RPN2: variants seen among roughly 807,000 people sequenced by gnomAD.
RPN2 encodes the protein dolichyl-diphosphooligosaccharide--protein glycosyltransferase subunit 2.
In RPN2, 29 loss-of-function variants were observed where a neutral mutation model predicts 71.4. That is an observed-to-expected ratio of 0.41 (90% CI 0.30 to 0.55). The LOEUF (loss-of-function observed/expected upper bound fraction) is 0.55, where lower values mean the gene tolerates loss of function less well. Among genes scored for constraint, RPN2 ranks in the 20% least tolerant of loss-of-function variants. The probability of loss-of-function intolerance (pLI) is 0.35; values close to 1 mark genes in which losing one functional copy is unlikely to be tolerated. For synonymous variants in RPN2, 308 were observed against 305.0 expected, an observed-to-expected ratio of 1.01 and a Z score of -0.10; for missense variants, 726 against 774.1, an observed-to-expected ratio of 0.94 and a Z score of 0.74.
At chr20:37,191,602 C>T (rs1005804411) in intron 2 of RPN2, among the ~76,000 whole-genome samples, 4 of 149,576 alleles carry the variant, frequency 2.7e-5, no homozygotes, top group Non-Finnish European at 5.9e-5. Flanking sequence ...CCCGTCTCTA[C>T]TAAAAATACA....
At chr20:37,213,113 A>T (rs928881341) in intron 8 of RPN2, among the ~76,000 whole-genome samples, 3 of 152,046 alleles carry the variant, frequency 2.0e-5, no homozygotes, top group Non-Finnish European at 2.9e-5. Flanking sequence ...TCGTACACCA[A>T]CCTCTTTGTA....
At chr20:37,197,247 C>G (rs907351505) in intron 2 of RPN2, among the ~76,000 whole-genome samples, 2 of 152,148 alleles carry the variant, frequency 1.3e-5, no homozygotes, top group Non-Finnish European at 2.9e-5. Context: ...CTGAGAAAAA[C>G]AGGGAACCAC....
intron 8 of RPN2, among the ~76,000 whole-genome samples, chr20:37,210,606 C>A (rs1327129333): frequency 6.6e-6 from 1 of 151,098 alleles, no homozygotes; most frequent in East Asian, 1.9e-4. Flanking sequence ...TCTCAGCTCA[C>A]CGCAACGTCT....
At chr20:37,221,681 G>A (rs2067962329) in intron 9 of RPN2, among the ~76,000 whole-genome samples, 1 of 152,218 alleles carries the variant, frequency 6.6e-6, no homozygotes, top group Admixed American at 6.5e-5. Flanking sequence ...AGTTAATCTT[G>A]ATGAAGATTG....
chr20:37,238,798 C>A (rs756168594), intron 16 of RPN2: 2 of 561,710 alleles, frequency 3.6e-6, no homozygotes, highest in Non-Finnish European at 6.9e-6. Flanking sequence ...GAGGATAAGA[C>A]AAATCCAAAA....
chr20:37,225,664 A>G (rs745469619), intron 10 of RPN2, 24 bp from the exon 11 acceptor site: 1 of 1,490,266 alleles, frequency 6.7e-7, no homozygotes, highest in African/African-American at 1.4e-5. Context: ...CTCTCTGAAG[A>G]CTAACTCTAT....
chr20:37,208,353 T>C (rs561787099), intron 7 of RPN2, among the ~76,000 whole-genome samples: 1 of 152,222 alleles, frequency 6.6e-6, no homozygotes, highest in Admixed American at 6.5e-5. Context: ...TATAGAGAAG[T>C]CTTGCATCTA....
chr20:37,228,766 G>T, intron 12 of RPN2, 22 bp downstream of exon 12: 1 of 1,611,864 alleles, frequency 6.2e-7, no homozygotes, highest in South Asian at 1.1e-5. Flanking sequence ...AATGTACCCC[G>T]ACCCAGGTGA....
At chr20:37,198,540 C>T (rs766916066) in intron 3 of RPN2, 48 bp downstream of exon 3, 7 of 1,613,170 alleles carry the variant, frequency 4.3e-6, no homozygotes, top group Admixed American at 3.3e-5. Flanking sequence ...ATTTAAAGTA[C>T]ATTTTTAAAG....
chr20:37,236,495 C>T, intron 15 of RPN2, 85 bp from the exon 16 acceptor site: 1 of 1,431,106 alleles, frequency 7.0e-7, no homozygotes, highest in Non-Finnish European at 9.8e-7. Context: ...TTTCATGATC[C>T]AACAGTTGCT....
At chr20:37,225,629 G>A (rs2068056942) in intron 10 of RPN2, 59 bp from the exon 11 acceptor site, 3 of 1,099,260 alleles carry the variant, frequency 2.7e-6, no homozygotes, top group Admixed American at 3.4e-5. Flanking sequence ...TATATTTTCT[G>A]CCTGTTCTCA....
At position 37,218,557 on chromosome 20, in the gene RPN2, C is replaced by CA. The variant is rs1185607240; in HGVS notation, c.1092+4700dup. Among the ~76,000 whole-genome samples the CA allele has an allele frequency of 5.8e-3, 808 of 138,720 alleles. 6 individuals carry two copies. Among genetic ancestry groups the CA allele is most frequent in the African/African-American group, 0.02 (749 of 37,356 alleles). 91.0% of individuals were successfully genotyped at this position (138,720 alleles called of 152,430 possible). A position where few individuals can be genotyped will look rare whatever the true frequency, so the allele number is the denominator to read the frequency against. ...ACCCCGTCTCTGCTAAAAAAAAAAA[C>CA]AAAAAAAACAAAACTATGCAATCCA... is the stretch of plus-strand genomic sequence containing the variant. On this transcript the variant is annotated intron_variant, in intron 9 of 16. Transcript: ENST00000237530.
At chr20:37,209,902 G>A (rs2067615950) in intron 7 of RPN2, 145 bp from the exon 8 acceptor site, 1 of 1,397,310 alleles carries the variant, frequency 7.2e-7, no homozygotes, top group East Asian at 2.6e-5. Flanking sequence ...GGATTAGGCA[G>A]CAGGCCCAAG....
Position 37,230,033 on chromosome 20 carries a change from C to G in RPN2, c.1555C>G (p.Leu519Val), listed in dbSNP as rs1448386796. The G allele has an allele frequency of 3.1e-6, 5 of 1,614,146 alleles. No homozygotes were observed. The highest frequency in any genetic ancestry group is 3.4e-6 in the Non-Finnish European group (4 of 1,179,988). Residue 519 changes from leucine to valine, a missense_variant, in exon 13 of 17, where the codon CTT becomes GTT. Physicochemically the swap from Leu to Val is conservative, Grantham distance 32. Coordinates refer to ENST00000237530, the MANE Select transcript of RPN2 (RefSeq NM_002951.5). ...EAPSTVLSQN[L>V]FTPKQEIQHL... ...TCCCTCGACTGTCTTGTCCCAGAAC[C>G]TTTTCACTCCAAAACAGGAAATTCA...
intron 2 of RPN2, among the ~76,000 whole-genome samples, chr20:37,190,509 G>C (rs1359231976): frequency 6.6e-6 from 1 of 152,176 alleles, no homozygotes; most frequent in Non-Finnish European, 1.5e-5. Flanking sequence ...ATAATACTCA[G>C]CTCACAGATA....
rs370415144 is a variant in RPN2, at chr20:37,236,715, G to A, written c.1883+6G>A. ...GCCCAGCAGGCAGTCAAGAGGTAAG[G>A]CCAGACATGAGCCAGGGATCTAGAG... On this transcript the variant is annotated splice_donor_region_variant and intron_variant, in intron 16 of 16. Coordinates refer to ENST00000237530, the MANE Select transcript of RPN2 (RefSeq NM_002951.5). The A allele has an allele frequency of 2.5e-6, 4 of 1,613,798 alleles. No homozygotes were observed. Among genetic ancestry groups the A allele is most frequent in the Non-Finnish European group, 3.4e-6 (4 of 1,179,872 alleles).
rs774078805 is a variant in RPN2, at chr20:37,203,942, C to T, written c.537C>T (p.Ser179=). ...TGTCCCAGCAGGCTGACCTGAGGAG[C>T]ATCGTGGAGGAGATTGAGGTGTGAA... ...SHLSQQADLR[S]IVEEIEDLVA... Residue 179 remains serine (S), a synonymous_variant, in exon 5 of 17, where the codon AGC becomes AGT. Coordinates refer to ENST00000237530, the MANE Select transcript of RPN2 (RefSeq NM_002951.5). The T allele has an allele frequency of 1.9e-6, 3 of 1,613,648 alleles. No homozygotes were observed. Among genetic ancestry groups the T allele is most frequent in the East Asian group, 4.5e-5 (2 of 44,884 alleles).
chr20:37,214,357 C>G (rs1048559935), intron 9 of RPN2, among the ~76,000 whole-genome samples: 3 of 152,202 alleles, frequency 2.0e-5, no homozygotes, highest in African/African-American at 7.2e-5. Context: ...GTTTAGCTAA[C>G]TCTAGCTGGG....
chr20:37,184,281 G>T lies in RPN2; in HGVS notation c.115G>T (p.Ala39Ser), dbSNP rs1209960246. 2 of 1,614,196 alleles carry T rather than the reference G, an allele frequency of 1.2e-6. No homozygotes were observed. The highest frequency in any genetic ancestry group is 1.7e-5 in the Admixed American group (1 of 60,018). ...CAAGCATGACGTGGAGAGACTAAAAGCCTCGCTGGATCGCCCTTTCACAAA... is the reference window on the plus strand; with the variant it reads ...CAAGCATGACGTGGAGAGACTAAAATCCTCGCTGGATCGCCCTTTCACAAA... The part of the protein sequence containing the change: ...LTKHDVERLK[A>S]SLDRPFTNLE... The change falls in exon 2 of 17, where the codon GCC becomes TCC. Residue 39 changes from alanine to serine, a missense_variant. Physicochemically the swap from Ala to Ser is moderately conservative, Grantham distance 99. Coordinates refer to ENST00000237530, the MANE Select transcript of RPN2 (RefSeq NM_002951.5).
Sources: allele counts gnomAD v4.1 joint callset (sites outside exome capture counted in the v4.1 genomes callset), GRCh38; gene constraint gnomAD v4.1.1; transcripts MANE v1.5; gene names NCBI Gene and HGNC (gene_info 2026-07-23, HGNC 2026-07-21).